Variants in C1orf21 observed in about 807,000 individuals in gnomAD.
C1orf21 encodes the protein chromosome 1 open reading frame 21, also known as uncharacterized protein C1orf21.
C1orf21 carries 3 observed loss-of-function variants against 18.7 expected under a neutral mutation model. The observed-to-expected ratio is 0.16, with a 90% CI of 0.07 to 0.42. The LOEUF is 0.42. C1orf21 is among the 10% of genes least tolerant of loss of function. C1orf21 has a pLI of 0.99. For missense variants in C1orf21, 104 were observed against 143.6 expected, an observed-to-expected ratio of 0.72 and a Z score of 1.41; for synonymous variants, 41 against 46.4, an observed-to-expected ratio of 0.88 and a Z score of 0.47.
At chr1:184,586,493 C>G (rs549626712) in intron 3 of C1orf21, among the ~76,000 whole-genome samples, 1 of 152,078 alleles carries the variant, frequency 6.6e-6, no homozygotes, top group South Asian at 2.1e-4. Flanking sequence ...CCGTGTTAGC[C>G]AGGATGGTCT....
intron 5 of C1orf21, among the ~76,000 whole-genome samples, chr1:184,607,974 TTAAA>T (rs1659674151): frequency 1.3e-5 from 2 of 152,274 alleles, no homozygotes; most frequent in South Asian, 4.1e-4. Context: ...TGTTATATAT[TTAAA>T]TATTCATATA....
intron 2 of C1orf21, among the ~76,000 whole-genome samples, chr1:184,490,644 T>A (rs1318171072): frequency 6.6e-6 from 1 of 152,150 alleles, no homozygotes; most frequent in Non-Finnish European, 1.5e-5. Flanking sequence ...AAAGCTCACA[T>A]AGACAATGTA....
intron 4 of C1orf21, chr1:184,592,230 T>A (rs1001847181): frequency 1.3e-5 from 2 of 152,112 alleles, no homozygotes; most frequent in African/African-American, 4.8e-5. Flanking sequence ...GTTAGGTACA[T>A]CACAATTGGA....
chr1:184,407,662 T>A (rs545513261), intron 1 of C1orf21, among the ~76,000 whole-genome samples: 1 of 152,256 alleles, frequency 6.6e-6, no homozygotes, highest in South Asian at 2.1e-4. Context: ...AATAAATCTC[T>A]TACCTGCTTG....
chr1:184,601,757 C>T (rs577879923), intron 5 of C1orf21, among the ~76,000 whole-genome samples: 7 of 152,084 alleles, frequency 4.6e-5, no homozygotes, highest in South Asian at 4.2e-4. Context: ...AAAAATTAGC[C>T]GGGCGTGGTG....
chr1:184,426,813 C>T (rs149937327), intron 1 of C1orf21, among the ~76,000 whole-genome samples: 4,400 of 152,174 alleles, frequency 0.029, 117 homozygotes, highest in East Asian at 0.088. Flanking sequence ...ATACTGGGTG[C>T]GATAACACAA....
At chr1:184,566,504 T>C (rs996518648) in intron 3 of C1orf21, 3 of 297,202 alleles carry the variant, frequency 1.0e-5, no homozygotes, top group African/African-American at 4.4e-5. Flanking sequence ...TTTCAGTGTG[T>C]CTTTGGATGG....
intron 5 of C1orf21, among the ~76,000 whole-genome samples, chr1:184,605,362 G>A: frequency 6.6e-6 from 1 of 152,178 alleles, no homozygotes; most frequent in East Asian, 1.9e-4. Context: ...CTAAGGATAA[G>A]AATTGGGTCT....
chr1:184,397,549 G>A (rs1571339798), intron 1 of C1orf21, among the ~76,000 whole-genome samples: 2 of 151,358 alleles, frequency 1.3e-5, no homozygotes, highest in Admixed American at 6.6e-5. Context: ...TCGCGCTACT[G>A]CACTCCAGCC....
At chr1:184,399,356 A>AT (rs59376994) in intron 1 of C1orf21, among the ~76,000 whole-genome samples, 77 of 78,850 alleles carry the variant, frequency 9.8e-4, no homozygotes, top group East Asian at 2.2e-3. Context: ...ATGTACTTCT[A>AT]TTTTTTTTTT....
chr1:184,413,506 A>G (rs933283980), intron 1 of C1orf21, among the ~76,000 whole-genome samples: 1 of 152,158 alleles, frequency 6.6e-6, no homozygotes, highest in African/African-American at 2.4e-5. Context: ...AATCTGTAAA[A>G]TATTTCTTTC....
At chr1:184,601,627 G>C (rs547680738) in intron 5 of C1orf21, among the ~76,000 whole-genome samples, 6 of 152,302 alleles carry the variant, frequency 3.9e-5, no homozygotes, top group African/African-American at 1.4e-4. Flanking sequence ...ATTCAGCCAG[G>C]CGCGGTGGCT....
At chr1:184,462,071 T>C (rs1657314446) in intron 1 of C1orf21, among the ~76,000 whole-genome samples, 1 of 152,220 alleles carries the variant, frequency 6.6e-6, no homozygotes. Flanking sequence ...CTTTTATTTC[T>C]TATAATATAC....
At chr1:184,478,475 TA>T (rs1364614870) in intron 2 of C1orf21, among the ~76,000 whole-genome samples, 2 of 152,118 alleles carry the variant, frequency 1.3e-5, no homozygotes, top group African/African-American at 2.4e-5. Flanking sequence ...ATATTTCACA[TA>T]AAACCTCAAA....
intron 3 of C1orf21, among the ~76,000 whole-genome samples, chr1:184,517,016 G>A (rs7520690): frequency 0.58 from 87,945 of 152,108 alleles, 28,346 homozygotes; most frequent in African/African-American, 0.89. Context: ...TGTGTTTTCC[G>A]AAGCATTTGA....
intron 3 of C1orf21, among the ~76,000 whole-genome samples, chr1:184,573,503 GA>G: frequency 6.6e-6 from 1 of 152,296 alleles, no homozygotes; most frequent in East Asian, 1.9e-4. Context: ...AGACAATTCT[GA>G]TGTTAGTTCT....
At chr1:184,552,207 A>C (rs2101982207) in intron 3 of C1orf21, among the ~76,000 whole-genome samples, 1 of 152,352 alleles carries the variant, frequency 6.6e-6, no homozygotes, top group African/African-American at 2.4e-5. Context: ...GACAAGAAGG[A>C]TATCCCTAAC....
At chr1:184,452,186 T>A (rs906667291) in intron 1 of C1orf21, among the ~76,000 whole-genome samples, 4 of 152,198 alleles carry the variant, frequency 2.6e-5, no homozygotes, top group African/African-American at 9.6e-5. Context: ...AGAGCTTATT[T>A]ATTGTTTATA....
chr1:184,390,870 A>G (rs557886431), intron 1 of C1orf21, among the ~76,000 whole-genome samples: 2 of 152,348 alleles, frequency 1.3e-5, no homozygotes, highest in East Asian at 3.9e-4. Context: ...ATAAAACACA[A>G]AAAGCAGATT....
Sources: gnomAD v4.1 joint callset for allele counts (sites outside exome capture counted in the v4.1 genomes callset) on GRCh38, gnomAD v4.1.1 for gene constraint, MANE v1.5 for transcripts, NCBI Gene and HGNC (gene_info 2026-07-23, HGNC 2026-07-21) for gene names.